Variants in XIAP observed in about 807,000 individuals in gnomAD.
The protein encoded by XIAP is E3 ubiquitin-protein ligase XIAP.
XIAP carries 3 observed loss-of-function variants against 33.1 expected under a neutral mutation model. That is an observed-to-expected ratio of 0.09 (90% CI 0.04 to 0.23). The LOEUF (loss-of-function observed/expected upper bound fraction) is 0.23, where lower values mean the gene tolerates loss of function less well. Ranked by LOEUF, XIAP falls within the 10% of genes least tolerant of loss-of-function variation. The pLI, the probability that XIAP is intolerant of heterozygous loss-of-function variation, is 1.00. For missense variants in XIAP, 264 were observed against 363.0 expected, an observed-to-expected ratio of 0.73 and a Z score of 2.22; for synonymous variants, 98 against 121.3, an observed-to-expected ratio of 0.81 and a Z score of 1.26.
At chrX:123,891,452 AAT>A in intron 4 of XIAP, 136 bp downstream of exon 4, 1 of 326,315 alleles carries the variant, frequency 3.1e-6, no homozygotes, top group Non-Finnish European at 5.4e-6. Context: ...ATTATAAATC[AAT>A]ATATGTGTAC....
rs762121592 is a variant in XIAP at position 123,912,839 on chromosome X, A to G, written c.*5658A>G. On this transcript the variant is annotated 3_prime_UTR_variant, in exon 7 of 7. Coordinates refer to ENST00000371199, the MANE Select transcript of XIAP (RefSeq NM_001167.4). Reference sequence around the variant, plus strand: ...AGTTAATTTTTTTTGTATTCTTAGTAGAGACAGGGTTTCACCATGTTGGCC... The same window carrying G: ...AGTTAATTTTTTTTGTATTCTTAGTGGAGACAGGGTTTCACCATGTTGGCC... 4 of 322,140 alleles carry G rather than the reference A, an allele frequency of 1.2e-5. No individual in the cohort carries two copies. Among genetic ancestry groups the G allele is most frequent in the East Asian group, 9.9e-5 (1 of 10,129 alleles). The allele number at this position is 322,140 out of a possible 1,213,427, so 26.5% of individuals were successfully genotyped here.
chrX:123,873,558 C>T (rs1016983500), intron 1 of XIAP, among the ~76,000 whole-genome samples: 4 of 108,909 alleles, frequency 3.7e-5, no homozygotes, highest in African/African-American at 1.0e-4. Flanking sequence ...GAGGCCAAGG[C>T]GAGCAGATCA....
chrX:123,908,219 T>C lies in XIAP; in HGVS notation c.*1038T>C, dbSNP rs2053570087. 1 of 362,186 alleles carries C rather than the reference T, an allele frequency of 2.8e-6. No individual in the cohort carries two copies. The highest frequency in any genetic ancestry group is 2.6e-5 in the South Asian group (1 of 38,665). The allele number at this position is 362,186 out of a possible 1,213,427, so 29.8% of individuals were successfully genotyped here. On this transcript the variant is annotated 3_prime_UTR_variant, in exon 7 of 7. Transcript: ENST00000371199. The stretch of plus-strand genomic sequence containing the variant: ...TGCCAATGTGAAATGTAAATGATTT[T>C]ATGTTTTTCCTGCTTTGTGGATGAA...
chrX:123,890,926 G>A (rs2053401813), intron 3 of XIAP, among the ~76,000 whole-genome samples: 1 of 107,899 alleles, frequency 9.3e-6, no homozygotes, highest in South Asian at 4.0e-4. Context: ...GGGTGACAGA[G>A]CGAGACTCTG....
At chrX:123,897,659 T>C (rs1320137160) in intron 5 of XIAP, among the ~76,000 whole-genome samples, 1 of 109,216 alleles carries the variant, frequency 9.2e-6, no homozygotes, top group Non-Finnish European at 1.9e-5. Flanking sequence ...GACTCCCGGG[T>C]TCAAGCGATT....
intron 1 of XIAP, among the ~76,000 whole-genome samples, chrX:123,868,256 G>C (rs1252750659): frequency 9.0e-6 from 1 of 111,458 alleles, no homozygotes; most frequent in African/African-American, 3.3e-5. Context: ...GGGCACCACT[G>C]CATTCTAGCC....
At chrX:123,887,361 A>G (rs1011141636) in intron 2 of XIAP, among the ~76,000 whole-genome samples, 2 of 112,600 alleles carry the variant, frequency 1.8e-5, no homozygotes, top group Non-Finnish European at 3.7e-5. Flanking sequence ...GAGTACTTTC[A>G]AATGGACTGT....
intron 5 of XIAP, among the ~76,000 whole-genome samples, chrX:123,898,393 C>T (rs6608133): frequency 0.19 from 21,108 of 110,310 alleles, 1,478 homozygotes; most frequent in South Asian, 0.38. Context: ...GACGGAGTCT[C>T]GCTCCGTCAC....
chrX:123,902,943 G>A (rs1273473201), intron 6 of XIAP, among the ~76,000 whole-genome samples: 1 of 110,599 alleles, frequency 9.0e-6, no homozygotes, highest in Non-Finnish European at 1.9e-5. Flanking sequence ...GGCTTTGTGG[G>A]GAGGAGAAGG....
chrX:123,888,522 A>G, intron 2 of XIAP, 97 bp from the exon 3 acceptor site: 1 of 735,513 alleles, frequency 1.4e-6, no homozygotes, highest in East Asian at 3.2e-5. Context: ...TGAGATTTTC[A>G]TGTTTTTTAG....
chrX:123,867,460 G>A (rs983581392), intron 1 of XIAP, among the ~76,000 whole-genome samples: 3 of 104,687 alleles, frequency 2.9e-5, no homozygotes, highest in Middle Eastern at 4.5e-3. Context: ...CTGCATCTCC[G>A]CCTCCTGGGT....
chrX:123,892,194 C>T (rs1221754408), intron 4 of XIAP, among the ~76,000 whole-genome samples: 1 of 110,642 alleles, frequency 9.0e-6, no homozygotes. Context: ...GATGAAACCC[C>T]GTCTCTACTA....
intron 6 of XIAP, among the ~76,000 whole-genome samples, chrX:123,902,261 C>T (rs2053520773): frequency 9.0e-6 from 1 of 110,931 alleles, no homozygotes; most frequent in Admixed American, 9.8e-5. Flanking sequence ...AATGGGCGCT[C>T]ATATTATCAC....
intron 5 of XIAP, among the ~76,000 whole-genome samples, chrX:123,897,278 T>A (rs1009643022): frequency 8.0e-5 from 9 of 111,993 alleles, no homozygotes; most frequent in Non-Finnish European, 1.7e-4. Flanking sequence ...TCTGTGTGTG[T>A]TGCTCATGCT....
rs199833128 is a variant in XIAP, at chrX:123,907,001, A to G, written c.1314A>G (p.Glu438=). The G allele has an allele frequency of 5.0e-6, 6 of 1,210,236 alleles. No individual in the cohort carries two copies. The highest frequency in any genetic ancestry group is 2.3e-4 in the Middle Eastern group (1 of 4,346). ...CTCTTTTTGCAGAGATTAGTACTGA[A>G]GAGCAGCTAAGGCGCCTGCAAGAGG... ...QTSLQKEIST[E]EQLRRLQEEK... Residue 438 remains glutamate (E), a synonymous_variant, in exon 7 of 7, where the codon GAA becomes GAG. Coordinates refer to ENST00000371199, the MANE Select transcript of XIAP (RefSeq NM_001167.4).
intron 1 of XIAP, among the ~76,000 whole-genome samples, chrX:123,884,483 CAAAA>C (rs11422563): frequency 3.1e-5 from 3 of 95,565 alleles, no homozygotes; most frequent in African/African-American, 1.2e-4. Flanking sequence ...AACTCCATCT[CAAAA>C]AAAAAAAAAA....
chrX:123,861,392 C>G (rs745384862), intron 1 of XIAP, among the ~76,000 whole-genome samples: 2 of 111,589 alleles, frequency 1.8e-5, no homozygotes, highest in South Asian at 7.4e-4. Flanking sequence ...CTATGTATTT[C>G]AATGTATTTA....
At chrX:123,874,928 G>T (rs1426258984) in intron 1 of XIAP, among the ~76,000 whole-genome samples, 3 of 95,317 alleles carry the variant, frequency 3.1e-5, no homozygotes, top group Non-Finnish European at 6.1e-5. Context: ...GGCCAGGCTG[G>T]TCTTGAATTC....
intron 1 of XIAP, among the ~76,000 whole-genome samples, chrX:123,870,648 G>A (rs1569476221): frequency 9.0e-6 from 1 of 111,360 alleles, no homozygotes; most frequent in Non-Finnish European, 1.9e-5. Flanking sequence ...AATTAGCTGA[G>A]TGTGCTGTCG....
Sources: gnomAD v4.1 joint callset for allele counts (sites outside exome capture counted in the v4.1 genomes callset) on GRCh38, gnomAD v4.1.1 for gene constraint, MANE v1.5 for transcripts, NCBI Gene and HGNC (gene_info 2026-07-23, HGNC 2026-07-21) for gene names.